Variants in PVT1 observed in about 807,000 individuals in gnomAD.
The protein encoded by PVT1 is CXCR4/PVT1 fusion.
intron 3 of PVT1, among the ~76,000 whole-genome samples, chr8:127,935,097 G>A (rs1816256464): frequency 6.6e-6 from 1 of 152,098 alleles, no homozygotes; most frequent in Non-Finnish European, 1.5e-5. Flanking sequence ...CGCCGTAGTA[G>A]CTGGGATTAC....
At chr8:127,998,969 C>T (rs1817142801) in intron 4 of PVT1, among the ~76,000 whole-genome samples, 1 of 152,054 alleles carries the variant, frequency 6.6e-6, no homozygotes, top group Admixed American at 6.6e-5. Context: ...GCCATTTCTT[C>T]AAGGATCCCC....
intron 3 of PVT1, among the ~76,000 whole-genome samples, chr8:127,965,680 C>A (rs1816695688): frequency 6.6e-6 from 1 of 152,240 alleles, no homozygotes; most frequent in Non-Finnish European, 1.5e-5. Flanking sequence ...GAGAAGGCGG[C>A]TCCCTGCACC....
intron 5 of PVT1, among the ~76,000 whole-genome samples, chr8:128,093,931 G>C (rs764501045): frequency 2.6e-5 from 4 of 152,144 alleles, no homozygotes; most frequent in African/African-American, 4.8e-5. Context: ...CCACCGTGCC[G>C]TGCCAGCTCT....
chr8:128,010,651 G>A (rs1817303565), intron 4 of PVT1: 1 of 152,200 alleles, frequency 6.6e-6, no homozygotes. Flanking sequence ...TGACTTTTAA[G>A]AAGCCATGTG....
At position 127,835,392 on chromosome 8, in the gene PVT1, A is replaced by G. The variant is rs559689190; in HGVS notation, n.372+39321A>G. 2.9e-3 allele frequency among the ~76,000 whole-genome samples: 436 copies of G among 151,960 alleles called. 3 individuals carry two copies. The highest frequency in any genetic ancestry group is 4.8e-3 in the Non-Finnish European group (328 of 67,972). ...GTTCTCATTCAGAAGTGGGAGTTGA[A>G]CAATGAGAACATATGGACACAGGGA... On this transcript the variant is annotated intron_variant and non_coding_transcript_variant, in intron 2 of 10. Transcript: ENST00000651587.
intron 4 of PVT1, among the ~76,000 whole-genome samples, chr8:128,060,678 T>C (rs2130120252): frequency 6.6e-6 from 1 of 152,336 alleles, no homozygotes; most frequent in South Asian, 2.1e-4. Context: ...ACTTTTGCAG[T>C]TAAACTTCCG....
At chr8:128,000,444 C>A (rs1193831565) in intron 4 of PVT1, among the ~76,000 whole-genome samples, 2 of 152,218 alleles carry the variant, frequency 1.3e-5, no homozygotes, top group Admixed American at 6.5e-5. Flanking sequence ...AATGGTCAGG[C>A]ACCTCCATGG....
intron 3 of PVT1, among the ~76,000 whole-genome samples, chr8:127,929,476 G>A (rs527755819): frequency 5.3e-5 from 8 of 152,156 alleles, no homozygotes; most frequent in Admixed American, 1.3e-4. Context: ...ATGTTAATAT[G>A]TTCTGTGCTC....
intron 2 of PVT1, among the ~76,000 whole-genome samples, chr8:127,829,882 G>A (rs920554551): frequency 6.6e-5 from 10 of 152,160 alleles, no homozygotes; most frequent in Admixed American, 2.0e-4. Flanking sequence ...TGCTCCACAT[G>A]AAGGCTCCGA....
chr8:127,983,274 TTTC>T (rs1449789707), intron 3 of PVT1, among the ~76,000 whole-genome samples: 4 of 152,216 alleles, frequency 2.6e-5, no homozygotes, highest in African/African-American at 7.2e-5. Context: ...TCCATTTTTC[TTTC>T]TTCTTCTTGG....
At chr8:127,846,714 C>T (rs953034939) in intron 2 of PVT1, among the ~76,000 whole-genome samples, 1 of 152,128 alleles carries the variant, frequency 6.6e-6, no homozygotes, top group East Asian at 1.9e-4. Context: ...AGATGTTGCC[C>T]AGGCTGGAGT....
At chr8:127,909,491 A>C (rs746826244) in intron 3 of PVT1, among the ~76,000 whole-genome samples, 1 of 152,162 alleles carries the variant, frequency 6.6e-6, no homozygotes, top group Non-Finnish European at 1.5e-5. Context: ...CTGCAAAATG[A>C]GTGTGATAAT....
At position 127,912,602 on chromosome 8, in the gene PVT1, A is replaced by G. The variant is rs555718851; in HGVS notation, n.782+21604A>G. 3.3e-5 allele frequency among the ~76,000 whole-genome samples: 5 copies of G among 152,352 alleles called. No homozygotes were observed. The South Asian group carries it at 1.0e-3, about 32-fold the overall frequency. On this transcript the variant is annotated intron_variant and non_coding_transcript_variant, in intron 3 of 10. Transcript: ENST00000651587. ...TATCCCTATTGTGATAGAGGAAGAA[A>G]GGTGAAGGAATTTGCCAGAAATTAT...
intron 5 of PVT1, among the ~76,000 whole-genome samples, chr8:128,078,590 G>A (rs536579842): frequency 3.9e-5 from 6 of 152,268 alleles, no homozygotes; most frequent in African/African-American, 1.4e-4. Flanking sequence ...TAGCCATCTA[G>A]CTTTACTGCC....
At chr8:127,868,779 A>ATATATATACACG (rs1815313994) in intron 2 of PVT1, among the ~76,000 whole-genome samples, 1 of 117,698 alleles carries the variant, frequency 8.5e-6, no homozygotes, top group South Asian at 2.6e-4. Context: ...ACATATATAT[A>ATATATATACACG]TATATATATA....
At chr8:128,077,138 T>G in intron 5 of PVT1, among the ~76,000 whole-genome samples, 1 of 152,170 alleles carries the variant, frequency 6.6e-6, no homozygotes, top group Non-Finnish European at 1.5e-5. Context: ...GCAGACTCAA[T>G]GTGGTTCTGA....
At position 127,896,315 on chromosome 8, in the gene PVT1, C is replaced by G. The variant is rs139534943; in HGVS notation, n.782+5317C>G. Among the ~76,000 whole-genome samples, 51 of 152,146 alleles carry G rather than the reference C, an allele frequency of 3.4e-4. No homozygotes were observed. In the East Asian group the frequency reaches 6.0e-3, roughly 18 times the overall value. On this transcript the variant is annotated intron_variant and non_coding_transcript_variant, in intron 3 of 10. Coordinates refer to ENST00000651587, the Ensembl canonical transcript of PVT1. ...ACAGTTTTGGGAAGTCAGTTTAGAA[C>G]AGTATTGGACACACTGTTCCATCCC... is the stretch of plus-strand genomic sequence containing the variant.
At chr8:127,954,608 C>T (rs1432599771) in intron 3 of PVT1, among the ~76,000 whole-genome samples, 3 of 152,208 alleles carry the variant, frequency 2.0e-5, no homozygotes, top group Non-Finnish European at 4.4e-5. Flanking sequence ...GTACTCACTT[C>T]TACCTGTGGG....
chr8:127,957,386 G>A (rs1336146274), intron 3 of PVT1, among the ~76,000 whole-genome samples: 1 of 152,076 alleles, frequency 6.6e-6, no homozygotes, highest in East Asian at 1.9e-4. Context: ...GGCCAACATG[G>A]TGAAACCCCA....
Sources: allele counts gnomAD v4.1 joint callset (sites outside exome capture counted in the v4.1 genomes callset), GRCh38; gene constraint gnomAD v4.1.1; transcripts MANE v1.5; gene names NCBI Gene and HGNC (gene_info 2026-07-23, HGNC 2026-07-21).